The following DNAH17 variants were observed in gnomAD, a reference collection of about 807,000 sequenced individuals.
DNAH17 encodes the protein axonemal beta dynein heavy chain 17.
In DNAH17, 376 loss-of-function variants were observed where a neutral mutation model predicts 485.6. The ratio of observed to expected loss-of-function variants is 0.77; its 90% CI spans 0.71 to 0.84. The LOEUF (loss-of-function observed/expected upper bound fraction) is 0.84, where lower values mean the gene tolerates loss of function less well. Ranked by LOEUF, DNAH17 falls within the 40% of genes least tolerant of loss-of-function variation. DNAH17 has a pLI of 0.00. For synonymous variants in DNAH17, 3,031 were observed against 2,405.9 expected (o/e 1.26, Z -7.60); for missense variants, 6,370 against 5,839.3 (o/e 1.09, Z -2.96).
intron 74 of DNAH17, among the ~76,000 whole-genome samples, chr17:78,436,574 C>T (rs1326490911): frequency 1.3e-5 from 2 of 150,978 alleles, no homozygotes; most frequent in Non-Finnish European, 2.9e-5. Context: ...GGCAGGAGCA[C>T]CCCCGAGGAC....
chr17:78,567,178 GA>G lies in DNAH17; in HGVS notation c.1285-13del, dbSNP rs1291164087. On this transcript the variant is annotated splice_polypyrimidine_tract_variant and intron_variant, in intron 9 of 80. Transcript: ENST00000389840. ...GTTTTATAGAGTTCCTAGTGGAGGA[GA>G]AAAACACAGTCAATTCATCTTCACA... 6.3e-7 allele frequency: 1 copy of G among 1,584,820 alleles called. No individual in the cohort carries two copies. The highest frequency in any genetic ancestry group is 8.6e-7 in the Non-Finnish European group (1 of 1,165,442).
chr17:78,530,566 G>A lies in DNAH17; in HGVS notation c.3115-54C>T, dbSNP rs59454512. 5.7e-3 allele frequency: 8,860 copies of A among 1,556,188 alleles called. 159 individuals carry two copies. In the East Asian group the frequency reaches 0.059, roughly 10 times the overall value. ...CATAGCCTGCAAGCCTAGGGGGGGC[G>A]TCAGCACAGGGCCTCAGTCCAGGGC... On this transcript the variant is annotated intron_variant, in intron 20 of 80. Coordinates refer to ENST00000389840, the MANE Select transcript of DNAH17 (RefSeq NM_173628.4).
intron 27 of DNAH17, 113 bp downstream of exon 27, chr17:78,510,271 C>G: frequency 6.7e-7 from 1 of 1,495,026 alleles, no homozygotes; most frequent in South Asian, 1.3e-5. Context: ...GCCCGCCAGA[C>G]TTCCCGTGAG....
intron 41 of DNAH17, chr17:78,492,974 C>T (rs1270239416): frequency 4.5e-6 from 2 of 443,544 alleles, no homozygotes; most frequent in Non-Finnish European, 7.7e-6. Context: ...CCTTAGCTTC[C>T]CAAGTAGCTG....
chr17:78,522,669 G>T, intron 25 of DNAH17: 1 of 209,956 alleles, frequency 4.8e-6, no homozygotes, highest in Non-Finnish European at 9.9e-6. Context: ...CCTGAATGCT[G>T]AGCATGCACG....
At chr17:78,450,002 A>AG (rs1287051502) in intron 68 of DNAH17, 63 of 542,044 alleles carry the variant, frequency 1.2e-4, no homozygotes, top group Non-Finnish European at 1.8e-4. Flanking sequence ...TTGGGTTGTG[A>AG]GTGCCTGGAG....
At chr17:78,428,277 T>C (rs564947564) in intron 77 of DNAH17, 199 of 554,136 alleles carry the variant, frequency 3.6e-4, no homozygotes, top group African/African-American at 3.3e-3. Flanking sequence ...TGGAGCCGCA[T>C]CCACACCCCC....
At chr17:78,571,194 C>T (rs936710347) in intron 5 of DNAH17, 85 bp downstream of exon 5, 3 of 1,360,424 alleles carry the variant, frequency 2.2e-6, no homozygotes, top group African/African-American at 2.9e-5. Context: ...GGCCAACATC[C>T]TAGGGTTGGT....
At chr17:78,488,084 G>C (rs757761075) in intron 44 of DNAH17, among the ~76,000 whole-genome samples, 1 of 152,178 alleles carries the variant, frequency 6.6e-6, no homozygotes, top group Non-Finnish European at 1.5e-5. Context: ...GCTGCTTTCT[G>C]CCTTCTACTT....
Position 78,501,707 on chromosome 17 carries a change from C to T in DNAH17, c.5322+35G>A, listed in dbSNP as rs376940763. 2.2e-4 allele frequency: 354 copies of T among 1,605,216 alleles called. No homozygotes were observed. In the African/African-American group the frequency reaches 4.0e-3, roughly 18 times the overall value. On this transcript the variant is annotated intron_variant, in intron 34 of 80. Coordinates refer to ENST00000389840, the MANE Select transcript of DNAH17 (RefSeq NM_173628.4). ...TGCCCTGAACCCGGTGTCCCCTTGC[C>T]CTTCCCCTGGCCCCTGGGACAGGGG...
intron 19 of DNAH17, 96 bp from the exon 20 acceptor site, chr17:78,532,832 G>T (rs1342393434): frequency 1.6e-5 from 21 of 1,349,912 alleles, no homozygotes; most frequent in Non-Finnish European, 2.1e-5. Context: ...GTTCTCTGTT[G>T]GCGAAAGGGC....
intron 44 of DNAH17, chr17:78,490,096 G>A (rs1281980037): frequency 6.6e-6 from 1 of 152,254 alleles, no homozygotes; most frequent in Non-Finnish European, 1.5e-5. Context: ...CCAGATTTCA[G>A]ATATTTCTTA....
At chr17:78,462,498 C>T (rs906328791) in intron 57 of DNAH17, among the ~76,000 whole-genome samples, 2 of 152,102 alleles carry the variant, frequency 1.3e-5, no homozygotes, top group Non-Finnish European at 2.9e-5. Flanking sequence ...TTGAGCCAGG[C>T]CCCATGGTAT....
intron 17 of DNAH17, among the ~76,000 whole-genome samples, chr17:78,543,176 G>A (rs1421373361): frequency 6.6e-6 from 1 of 152,206 alleles, no homozygotes; most frequent in South Asian, 2.1e-4. Flanking sequence ...GTGCAGTGGT[G>A]CGATCTTGGT....
chr17:78,460,391 T>G, intron 58 of DNAH17, 134 bp from the exon 59 acceptor site: 4 of 715,782 alleles, frequency 5.6e-6, no homozygotes, highest in Non-Finnish European at 9.3e-6. Flanking sequence ...TGTGCATATA[T>G]GTGCATGAGT....
chr17:78,524,807 CAG>C (rs1442971699), intron 25 of DNAH17, among the ~76,000 whole-genome samples, 200 bp downstream of exon 25: 3 of 152,298 alleles, frequency 2.0e-5, no homozygotes, highest in African/African-American at 4.8e-5. Context: ...CACCCACATA[CAG>C]AGAGAGGTGA....
At chr17:78,439,901 C>T (rs148176812) in intron 72 of DNAH17, among the ~76,000 whole-genome samples, 15 of 151,946 alleles carry the variant, frequency 9.9e-5, no homozygotes, top group Non-Finnish European at 2.2e-4. Flanking sequence ...AACTCCTGAC[C>T]TCAGGCGATC....
intron 19 of DNAH17, 172 bp from the exon 20 acceptor site, chr17:78,532,908 T>C: frequency 1.4e-6 from 1 of 716,124 alleles, no homozygotes; most frequent in East Asian, 2.9e-5. Flanking sequence ...TTAGGCAACC[T>C]GGTGGTCCCC....
intron 44 of DNAH17, among the ~76,000 whole-genome samples, chr17:78,488,840 G>T (rs1347527027): frequency 6.6e-6 from 1 of 152,154 alleles, no homozygotes; most frequent in East Asian, 1.9e-4. Flanking sequence ...GACAGAGGCG[G>T]AGATGGGAGG....
Sources: allele counts gnomAD v4.1 joint callset (sites outside exome capture counted in the v4.1 genomes callset), GRCh38; gene constraint gnomAD v4.1.1; transcripts MANE v1.5; gene names NCBI Gene and HGNC (gene_info 2026-07-23, HGNC 2026-07-21).